GALNTL6: variants seen among roughly 807,000 people sequenced by gnomAD.
GALNTL6 encodes polypeptide N-acetylgalactosaminyltransferase-like 6.
In GALNTL6, 46 loss-of-function variants were observed where a neutral mutation model predicts 73.7. The observed-to-expected ratio is 0.62, with a 90% CI of 0.49 to 0.80. The LOEUF (loss-of-function observed/expected upper bound fraction) is 0.80, where lower values mean the gene tolerates loss of function less well. Among genes scored for constraint, GALNTL6 ranks in the 30% least tolerant of loss-of-function variants. The pLI is 0.00. For missense variants in GALNTL6, 604 were observed against 755.0 expected, an observed-to-expected ratio of 0.80 and a Z score of 2.34; for synonymous variants, 259 against 263.7, an observed-to-expected ratio of 0.98 and a Z score of 0.17.
chr4:172,393,869 A>G (rs1743754062), intron 5 of GALNTL6, among the ~76,000 whole-genome samples: 1 of 152,122 alleles, frequency 6.6e-6, no homozygotes, highest in Non-Finnish European at 1.5e-5. Flanking sequence ...TTTATTTTAT[A>G]TTTATGTTCA....
intron 10 of GALNTL6, among the ~76,000 whole-genome samples, chr4:173,006,967 T>A (rs1213348303): frequency 6.6e-6 from 1 of 152,230 alleles, no homozygotes; most frequent in Non-Finnish European, 1.5e-5. Context: ...ACAGAGATCC[T>A]GAAAGCAGAG....
intron 3 of GALNTL6, among the ~76,000 whole-genome samples, chr4:172,300,009 C>T (rs1739850092): frequency 6.6e-6 from 1 of 152,230 alleles, no homozygotes; most frequent in South Asian, 2.1e-4. Context: ...GTCTAAGTCT[C>T]TTTGTAGGTC....
intron 2 of GALNTL6, among the ~76,000 whole-genome samples, chr4:171,998,658 A>G (rs948001413): frequency 1.3e-5 from 2 of 152,188 alleles, no homozygotes; most frequent in Admixed American, 6.6e-5. Context: ...TATTATTTTA[A>G]TAATGAATTA....
At chr4:172,402,746 T>A (rs1744086089) in intron 5 of GALNTL6, among the ~76,000 whole-genome samples, 1 of 152,054 alleles carries the variant, frequency 6.6e-6, no homozygotes, top group African/African-American at 2.4e-5. Flanking sequence ...AGGAACACAT[T>A]CACTAAAACT....
At chr4:172,264,025 T>C (rs1196213544) in intron 3 of GALNTL6, among the ~76,000 whole-genome samples, 1 of 151,468 alleles carries the variant, frequency 6.6e-6, no homozygotes, top group Non-Finnish European at 1.5e-5. Context: ...ATTACTAATA[T>C]CACTACATTT....
chr4:171,836,952 A>G (rs932153085), intron 2 of GALNTL6, among the ~76,000 whole-genome samples: 1 of 152,202 alleles, frequency 6.6e-6, no homozygotes, highest in East Asian at 1.9e-4. Context: ...CATGTTTTGT[A>G]ATACAAATAT....
At chr4:172,003,699 T>C (rs1740746767) in intron 2 of GALNTL6, among the ~76,000 whole-genome samples, 1 of 152,134 alleles carries the variant, frequency 6.6e-6, no homozygotes, top group African/African-American at 2.4e-5. Flanking sequence ...CCGTTTGGGC[T>C]CTAAAATGGT....
chr4:172,494,036 T>A (rs1733982947), intron 5 of GALNTL6, among the ~76,000 whole-genome samples: 2 of 152,178 alleles, frequency 1.3e-5, no homozygotes, highest in African/African-American at 4.8e-5. Context: ...CTGTACATAC[T>A]TCTAGTACAG....
At chr4:172,195,231 A>G (rs891213270) in intron 2 of GALNTL6, among the ~76,000 whole-genome samples, 2 of 152,224 alleles carry the variant, frequency 1.3e-5, no homozygotes, top group Admixed American at 6.5e-5. Context: ...TCAATTCAAC[A>G]AAAAGAACTA....
chr4:172,985,867 G>C (rs1273950678), intron 10 of GALNTL6, among the ~76,000 whole-genome samples: 2 of 152,162 alleles, frequency 1.3e-5, no homozygotes, highest in Non-Finnish European at 2.9e-5. Flanking sequence ...GGAGCAATTG[G>C]GAGTTTGAAT....
At chr4:172,414,726 C>G (rs958789698) in intron 5 of GALNTL6, among the ~76,000 whole-genome samples, 3 of 152,052 alleles carry the variant, frequency 2.0e-5, no homozygotes, top group Non-Finnish European at 4.4e-5. Context: ...AACTTAACTC[C>G]GTCACCTACT....
chr4:171,979,487 C>G (rs888120212), intron 2 of GALNTL6, among the ~76,000 whole-genome samples: 1 of 152,168 alleles, frequency 6.6e-6, no homozygotes, highest in African/African-American at 2.4e-5. Context: ...AAATTGGTTC[C>G]TACTTGGGTC....
At chr4:172,536,699 T>C (rs1735359184) in intron 5 of GALNTL6, among the ~76,000 whole-genome samples, 2 of 152,180 alleles carry the variant, frequency 1.3e-5, no homozygotes, top group Non-Finnish European at 1.5e-5. Flanking sequence ...CACAAAGATA[T>C]GGTTGGAATT....
chr4:172,182,436 T>A (rs1354906680), intron 2 of GALNTL6, among the ~76,000 whole-genome samples: 1 of 151,688 alleles, frequency 6.6e-6, no homozygotes, highest in Non-Finnish European at 1.5e-5. Context: ...TGTAATTTGG[T>A]ACATTTCAGA....
intron 5 of GALNTL6, among the ~76,000 whole-genome samples, chr4:172,733,773 C>A (rs889266999): frequency 4.6e-5 from 7 of 152,268 alleles, no homozygotes; most frequent in East Asian, 1.9e-4. Context: ...TCAAAAACTT[C>A]TTTTTCTTTA....
chr4:172,064,181 G>A (rs1731291262), intron 2 of GALNTL6, among the ~76,000 whole-genome samples: 1 of 152,156 alleles, frequency 6.6e-6, no homozygotes, highest in East Asian at 1.9e-4. Context: ...AGACATTGTA[G>A]TCAGATCATC....
At chr4:172,710,175 T>C (rs2111322119) in intron 5 of GALNTL6, among the ~76,000 whole-genome samples, 1 of 152,278 alleles carries the variant, frequency 6.6e-6, no homozygotes, top group East Asian at 1.9e-4. Flanking sequence ...AAAGGAGCAT[T>C]CTAATCGTTT....
intron 5 of GALNTL6, among the ~76,000 whole-genome samples, chr4:172,650,946 A>ATTTT (rs1740447839): frequency 6.6e-6 from 1 of 151,952 alleles, no homozygotes; most frequent in Non-Finnish European, 1.5e-5. Flanking sequence ...AATATGAGTA[A>ATTTT]TTCAGTATTT....
At chr4:172,311,487 C>A in intron 3 of GALNTL6, 127 bp from the exon 4 acceptor site, 1 of 582,058 alleles carries the variant, frequency 1.7e-6, no homozygotes, top group Non-Finnish European at 2.7e-6. Context: ...ATAATAAAAT[C>A]TTAGTACTAG....
Sources: gnomAD v4.1 joint callset for allele counts (sites outside exome capture counted in the v4.1 genomes callset) on GRCh38, gnomAD v4.1.1 for gene constraint, MANE v1.5 for transcripts, NCBI Gene and HGNC (gene_info 2026-07-23, HGNC 2026-07-21) for gene names.